The following NFYB variants were observed in gnomAD, a reference collection of about 807,000 sequenced individuals.
The protein encoded by NFYB is CAAT box DNA-binding protein subunit B.
In NFYB, 13 loss-of-function variants were observed where a neutral mutation model predicts 28.0. The observed-to-expected ratio is 0.46, with a 90% CI of 0.30 to 0.74. The LOEUF is 0.74. Among genes scored for constraint, NFYB ranks in the 30% least tolerant of loss-of-function variants. The pLI is 0.07. For synonymous variants in NFYB, 74 were observed against 75.0 expected, an observed-to-expected ratio of 0.99 and a Z score of 0.07; for missense variants, 142 against 247.6, an observed-to-expected ratio of 0.57 and a Z score of 2.86.
intron 2 of NFYB, among the ~76,000 whole-genome samples, chr12:104,133,948 T>C (rs1412239620): frequency 6.6e-6 from 1 of 152,136 alleles, no homozygotes; most frequent in African/African-American, 2.4e-5. Context: ...CACCTCTTCA[T>C]TCCTATTTAA....
Position 104,128,442 on chromosome 12 carries a change from CATA to C in NFYB, c.79_81del (p.Tyr27del). The stretch of plus-strand genomic sequence containing the variant: ...TGCTTACCATCATGAGGCTGTATAA[CATA>C]ATGACTTCCTCCAATATAGTCTGCA... On this transcript the variant is annotated inframe_deletion, in exon 3 of 8. Coordinates refer to ENST00000240055, the MANE Select transcript of NFYB (RefSeq NM_006166.4). The C allele has an allele frequency of 6.2e-7, 1 of 1,610,822 alleles. No individual in the cohort carries two copies. The highest frequency in any genetic ancestry group is 8.5e-7 in the Non-Finnish European group (1 of 1,178,042).
chr12:104,134,988 G>A lies in NFYB; in HGVS notation c.6+460C>T, dbSNP rs1394038132. 3.9e-5 allele frequency among the ~76,000 whole-genome samples: 6 copies of A among 152,122 alleles called. No homozygotes were observed. The East Asian group carries it at 1.2e-3, about 29-fold the overall frequency. On this transcript the variant is annotated intron_variant, in intron 2 of 7. Transcript: ENST00000240055. ...CCCCTAAACTTAAGTTGCCCATCCT[G>A]CCATCAGGCTTTTGCTTTTGGTGAC...
rs2030302917 is a variant in NFYB at position 104,117,332 on chromosome 12, G to A, written c.*2405C>T. The A allele has an allele frequency of 6.6e-6, 1 of 152,170 alleles. No individual in the cohort carries two copies. Among genetic ancestry groups the A allele is most frequent in the South Asian group, 2.1e-4 (1 of 4,838 alleles). 9.4% of individuals were successfully genotyped at this position (152,170 alleles called of 1,614,324 possible). On this transcript the variant is annotated 3_prime_UTR_variant, in exon 8 of 8. Coordinates refer to ENST00000240055, the MANE Select transcript of NFYB (RefSeq NM_006166.4). ...AAAAGGTGACCTGATTTTACCTGGT[G>A]TAAAATTTTAGTTAGCACTACTAGC...
At chr12:104,129,163 C>T (rs902782267) in intron 2 of NFYB, among the ~76,000 whole-genome samples, 2 of 152,134 alleles carry the variant, frequency 1.3e-5, no homozygotes, top group African/African-American at 2.4e-5. Context: ...CTAATTTATC[C>T]CTGGAATGAT....
chr12:104,137,210 T>C (rs932184641), intron 1 of NFYB, among the ~76,000 whole-genome samples: 3 of 152,216 alleles, frequency 2.0e-5, no homozygotes, highest in Non-Finnish European at 4.4e-5. Context: ...CTACCTAACC[T>C]TGTTTAAATT....
chr12:104,134,159 G>C (rs1003345308), intron 2 of NFYB, among the ~76,000 whole-genome samples: 4 of 152,052 alleles, frequency 2.6e-5, no homozygotes, highest in Non-Finnish European at 5.9e-5. Flanking sequence ...TTCACCCAAG[G>C]TTATCCTTCT....
chr12:104,128,302 G>GT, intron 3 of NFYB, 122 bp downstream of exon 3: 1 of 566,842 alleles, frequency 1.8e-6, no homozygotes, highest in Non-Finnish European at 3.0e-6. Context: ...TCATTGAACC[G>GT]TAACACAAGA....
rs183945152 is a variant in NFYB at position 104,118,891 on chromosome 12, G to C, written c.*846C>G. 1 of 152,096 alleles carries C rather than the reference G, an allele frequency of 6.6e-6. No individual in the cohort carries two copies. Among genetic ancestry groups the C allele is most frequent in the African/African-American group, 2.4e-5 (1 of 41,398 alleles). 9.4% of individuals were successfully genotyped at this position (152,096 alleles called of 1,614,324 possible). A position where few individuals can be genotyped will look rare whatever the true frequency, so the allele number is the denominator to read the frequency against. On this transcript the variant is annotated 3_prime_UTR_variant, in exon 8 of 8. Transcript: ENST00000240055. ...CATCAGACTATAAAACTCCTCTTCT[G>C]TAAGAGAATACTATAGTACTTGAAG...
At position 104,128,491 on chromosome 12, in the gene NFYB, A is replaced by G. The variant is rs1011153550; in HGVS notation, c.33T>C (p.Asp11=). The G allele has an allele frequency of 5.6e-6, 9 of 1,612,910 alleles. No individual in the cohort carries two copies. Among genetic ancestry groups the G allele is most frequent in the South Asian group, 1.1e-5 (1 of 91,020 alleles). The stretch of plus-strand genomic sequence containing the variant: ...CTGCAGAGATTCCTAGTTGAGAAGC[A>G]TCTGTTGTAGAACTGTCACCATCCA... MTMDGDSSTT[D]ASQLGISADY... Residue 11 remains aspartate, a synonymous_variant, in exon 3 of 8, where the codon GAT becomes GAC. Transcript: ENST00000240055.
At position 104,120,486 on chromosome 12, in the gene NFYB, G is replaced by GA. The variant is rs770600808; in HGVS notation, c.512-8dup. Reference sequence around the variant, plus strand: ...CCAGCTGGTAACTGGTTAGCTAAAAGAAAAAAAATTAGTTAAAGAGGGAAA... The same window carrying GA: ...CCAGCTGGTAACTGGTTAGCTAAAAGAAAAAAAAATTAGTTAAAGAGGGAAA... On this transcript the variant is annotated splice_polypyrimidine_tract_variant and splice_region_variant and intron_variant, in intron 6 of 7. Transcript: ENST00000240055. 35 of 1,606,720 alleles carry GA rather than the reference G, an allele frequency of 2.2e-5. No homozygotes were observed. Among genetic ancestry groups the GA allele is most frequent in the South Asian group, 1.8e-4 (16 of 90,794 alleles).
chr12:104,135,604 G>T, intron 1 of NFYB, 72 bp from the exon 2 acceptor site: 1 of 554,648 alleles, frequency 1.8e-6, no homozygotes, highest in Non-Finnish European at 3.0e-6. Context: ...TCACTTATAG[G>T]CTTTTTTTCT....
chr12:104,135,572 T>C, intron 1 of NFYB, 40 bp from the exon 2 acceptor site: 2 of 798,468 alleles, frequency 2.5e-6, no homozygotes, highest in Non-Finnish European at 3.9e-6. Flanking sequence ...CATCTATCAA[T>C]AGTAAAAATA....
At position 104,134,038 on chromosome 12, in the gene NFYB, A is replaced by G. The variant is rs149528980; in HGVS notation, c.6+1410T>C. Among the ~76,000 whole-genome samples the G allele has an allele frequency of 8.5e-3, 1,290 of 152,154 alleles. 5 individuals are homozygous for G. The highest frequency in any genetic ancestry group is 0.037 in the Middle Eastern group (11 of 294). On this transcript the variant is annotated intron_variant, in intron 2 of 7. Transcript: ENST00000240055. ...CTGCCAGTGATCTTGTCCTCATCCT[A>G]CTTGACTGTTCTTTGTAGTGCTGGC... is the stretch of plus-strand genomic sequence containing the variant.
chr12:104,132,478 A>C (rs1428525349), intron 2 of NFYB, among the ~76,000 whole-genome samples: 1 of 152,134 alleles, frequency 6.6e-6, no homozygotes, highest in Non-Finnish European at 1.5e-5. Context: ...GGCACAGAAG[A>C]CCAGTGAGGA....
intron 4 of NFYB, 98 bp downstream of exon 4, chr12:104,126,016 T>G: frequency 4.0e-6 from 5 of 1,244,092 alleles, no homozygotes; most frequent in Non-Finnish European, 5.4e-6. Flanking sequence ...AAAGCCTGAA[T>G]GATTGAAATC....
intron 2 of NFYB, among the ~76,000 whole-genome samples, chr12:104,132,782 T>C (rs143831844): frequency 6.5e-4 from 99 of 152,304 alleles, no homozygotes; most frequent in Middle Eastern, 3.4e-3. Context: ...GGTGCCAGTA[T>C]GTCCAGTGTG....
intron 2 of NFYB, chr12:104,131,529 C>A: frequency 3.2e-6 from 1 of 309,612 alleles, no homozygotes; most frequent in South Asian, 2.6e-5. Flanking sequence ...TTCTTTAAAG[C>A]TCTATGGCAC....
intron 3 of NFYB, among the ~76,000 whole-genome samples, chr12:104,128,177 G>GA (rs1159840450): frequency 4.5e-4 from 69 of 152,250 alleles, no homozygotes; most frequent in African/African-American, 1.6e-3. Flanking sequence ...AATTTTAAAA[G>GA]AAACTGTACA....
intron 3 of NFYB, among the ~76,000 whole-genome samples, chr12:104,128,203 G>A (rs934724562): frequency 2.0e-5 from 3 of 152,184 alleles, no homozygotes; most frequent in East Asian, 1.9e-4. Flanking sequence ...TAGACAAGGT[G>A]TATTTTTATA....
Sources: allele counts gnomAD v4.1 joint callset (sites outside exome capture counted in the v4.1 genomes callset), GRCh38; gene constraint gnomAD v4.1.1; transcripts MANE v1.5; gene names NCBI Gene and HGNC (gene_info 2026-07-23, HGNC 2026-07-21).